Variants in PIP5K1B observed in about 807,000 individuals in gnomAD.
The protein encoded by PIP5K1B is phosphatidylinositol 4-phosphate 5-kinase type-1 beta.
PIP5K1B carries 42 observed loss-of-function variants against 67.0 expected under a neutral mutation model. The observed-to-expected ratio is 0.63, with a 90% confidence interval of 0.49 to 0.81. PIP5K1B has a LOEUF of 0.81. Among genes scored for constraint, PIP5K1B ranks in the 30% least tolerant of loss-of-function variants. The pLI is 0.00. For missense variants in PIP5K1B, 459 were observed against 646.3 expected (o/e 0.71, Z 3.14); for synonymous variants, 214 against 231.4 (o/e 0.92, Z 0.68).
At chr9:68,725,055 G>A (rs1828087012) in intron 1 of PIP5K1B, among the ~76,000 whole-genome samples, 1 of 152,116 alleles carries the variant, frequency 6.6e-6, no homozygotes. Context: ...CAGAATTATT[G>A]TCATTTATCA....
chr9:68,893,746 C>T (rs1020320362), intron 7 of PIP5K1B, among the ~76,000 whole-genome samples: 1 of 152,078 alleles, frequency 6.6e-6, no homozygotes, highest in Non-Finnish European at 1.5e-5. Flanking sequence ...TGACAAAAAC[C>T]TGCAGAAAAA....
chr9:68,935,597 T>C (rs955236857), intron 13 of PIP5K1B, among the ~76,000 whole-genome samples: 1 of 152,240 alleles, frequency 6.6e-6, no homozygotes, highest in Non-Finnish European at 1.5e-5. Context: ...AAGAAAAATG[T>C]CTGCTTCCAC....
chr9:68,746,786 C>T (rs1292001147), intron 2 of PIP5K1B, among the ~76,000 whole-genome samples: 2 of 152,152 alleles, frequency 1.3e-5, no homozygotes, highest in East Asian at 1.9e-4. Context: ...AGCCTGGCCT[C>T]GGGCTGGAGT....
chr9:68,708,439 C>T (rs1412825576), intron 1 of PIP5K1B, among the ~76,000 whole-genome samples: 1 of 152,082 alleles, frequency 6.6e-6, no homozygotes, highest in Non-Finnish European at 1.5e-5. Flanking sequence ...GGGTACAGAG[C>T]CCATTGTTGC....
chr9:68,752,554 C>T (rs1396968228), intron 2 of PIP5K1B, among the ~76,000 whole-genome samples: 1 of 150,794 alleles, frequency 6.6e-6, no homozygotes, highest in Non-Finnish European at 1.5e-5. Flanking sequence ...TCCTTCTCTT[C>T]CTTCTTTCTT....
At chr9:68,913,312 T>C (rs1200518163) in intron 8 of PIP5K1B, among the ~76,000 whole-genome samples, 1 of 152,200 alleles carries the variant, frequency 6.6e-6, no homozygotes, top group Non-Finnish European at 1.5e-5. Flanking sequence ...GTACAGAATA[T>C]ACTAGCAACA....
intron 13 of PIP5K1B, among the ~76,000 whole-genome samples, chr9:68,936,859 C>T (rs1827289109): frequency 6.6e-6 from 1 of 152,146 alleles, no homozygotes; most frequent in Non-Finnish European, 1.5e-5. Flanking sequence ...TGCAAAACTG[C>T]AGGTGCCTGT....
intron 2 of PIP5K1B, among the ~76,000 whole-genome samples, chr9:68,766,866 T>C (rs1830452139): frequency 6.6e-6 from 1 of 152,204 alleles, no homozygotes; most frequent in Admixed American, 6.5e-5. Context: ...AAGTAAGTGG[T>C]ATTTCTAGGA....
At position 68,880,226 on chromosome 9, in the gene PIP5K1B, C is replaced by T. The variant is rs74994087; in HGVS notation, c.318+3432C>T. 3.5e-3 allele frequency among the ~76,000 whole-genome samples: 532 copies of T among 152,244 alleles called. 1 individual carries two copies. Among genetic ancestry groups the T allele is most frequent in the Non-Finnish European group, 6.4e-3 (435 of 68,026 alleles). ...ATACATGAGTGTTAATTTCACAATT[C>T]TTTTCGCTTTTATGTACGTAAATAT... On this transcript the variant is annotated intron_variant, in intron 6 of 15. Coordinates refer to ENST00000265382, the MANE Select transcript of PIP5K1B (RefSeq NM_003558.4).
chr9:68,956,778 G>A (rs1252239135), intron 14 of PIP5K1B, among the ~76,000 whole-genome samples: 5 of 152,148 alleles, frequency 3.3e-5, no homozygotes, highest in African/African-American at 7.2e-5. Flanking sequence ...ACTTTTCAAC[G>A]TGTATGGTGA....
intron 9 of PIP5K1B, among the ~76,000 whole-genome samples, chr9:68,918,501 G>T (rs1337323703): frequency 6.6e-6 from 1 of 152,200 alleles, no homozygotes; most frequent in African/African-American, 2.4e-5. Flanking sequence ...GACAGATGTG[G>T]TCTCTCGTCT....
At chr9:68,709,459 G>A (rs964803348) in intron 1 of PIP5K1B, among the ~76,000 whole-genome samples, 9 of 152,062 alleles carry the variant, frequency 5.9e-5, no homozygotes, top group Admixed American at 2.0e-4. Context: ...TCTGTAACTC[G>A]TGGATTCAAG....
At chr9:68,977,758 G>A (rs1033957465) in intron 14 of PIP5K1B, among the ~76,000 whole-genome samples, 16 of 150,790 alleles carry the variant, frequency 1.1e-4, no homozygotes, top group African/African-American at 2.7e-4. Flanking sequence ...AGGTTGAAGC[G>A]ATTCTCCTGC....
intron 1 of PIP5K1B, among the ~76,000 whole-genome samples, chr9:68,720,785 A>G (rs1362869188): frequency 6.6e-6 from 1 of 152,182 alleles, no homozygotes; most frequent in African/African-American, 2.4e-5. Context: ...AGCAATTGTA[A>G]TACCTGCTGC....
chr9:68,730,851 G>A (rs1465194513), intron 1 of PIP5K1B, among the ~76,000 whole-genome samples: 1 of 152,166 alleles, frequency 6.6e-6, no homozygotes, highest in Non-Finnish European at 1.5e-5. Flanking sequence ...AACAAGAAAA[G>A]GATGAATGGA....
At chr9:68,836,527 A>G (rs959569938) in intron 4 of PIP5K1B, among the ~76,000 whole-genome samples, 3 of 152,190 alleles carry the variant, frequency 2.0e-5, no homozygotes, top group Admixed American at 6.5e-5. Flanking sequence ...AATTTGGGGT[A>G]TGCCAACTCA....
intron 14 of PIP5K1B, chr9:68,963,122 A>G (rs1427678939): frequency 2.2e-6 from 1 of 456,106 alleles, no homozygotes; most frequent in South Asian, 1.5e-5. Context: ...ATTCAGAACA[A>G]GCTACATTTG....
intron 14 of PIP5K1B, among the ~76,000 whole-genome samples, chr9:68,945,026 GT>G (rs1174177497): frequency 6.7e-6 from 1 of 150,032 alleles, no homozygotes; most frequent in Non-Finnish European, 1.5e-5. Flanking sequence ...TGGTTGGTTG[GT>G]TTTTTTCCTA....
intron 4 of PIP5K1B, among the ~76,000 whole-genome samples, chr9:68,863,096 T>C (rs1823181480): frequency 6.6e-6 from 1 of 152,160 alleles, no homozygotes; most frequent in Non-Finnish European, 1.5e-5. Context: ...GACATTTTGG[T>C]CTGGATGATT....
Sources: allele counts gnomAD v4.1 joint callset (sites outside exome capture counted in the v4.1 genomes callset), GRCh38; gene constraint gnomAD v4.1.1; transcripts MANE v1.5; gene names NCBI Gene and HGNC (gene_info 2026-07-23, HGNC 2026-07-21).